The following CADPS variants were observed in gnomAD, a reference collection of about 807,000 sequenced individuals.
CADPS encodes calcium-dependent secretion activator 1.
CADPS carries 57 observed loss-of-function variants against 167.3 expected under a neutral mutation model. That is an observed-to-expected ratio of 0.34 (90% confidence interval 0.28 to 0.42). The LOEUF is 0.42. CADPS is among the 20% of genes least tolerant of loss of function. The probability of loss-of-function intolerance (pLI) is 1.00; values close to 1 mark genes in which losing one functional copy is unlikely to be tolerated. For synonymous variants in CADPS, 676 were observed against 635.3 expected (o/e 1.06, Z -0.96); for missense variants, 1,414 against 1,738.1 (o/e 0.81, Z 3.32).
intron 1 of CADPS, among the ~76,000 whole-genome samples, chr3:62,870,692 T>C (rs1388123262): frequency 7.2e-5 from 11 of 152,196 alleles, no homozygotes; most frequent in African/African-American, 2.2e-4. Flanking sequence ...CCTATGTATG[T>C]AGACACAATG....
intron 4 of CADPS, among the ~76,000 whole-genome samples, chr3:62,658,234 T>C (rs574652017): frequency 2.0e-4 from 30 of 152,314 alleles, no homozygotes; most frequent in Admixed American, 1.7e-3. Flanking sequence ...GGAGAATTAA[T>C]GTAACGCCAA....
At chr3:62,580,431 T>A (rs2083191585) in intron 8 of CADPS, among the ~76,000 whole-genome samples, 1 of 151,866 alleles carries the variant, frequency 6.6e-6, no homozygotes, top group Non-Finnish European at 1.5e-5. Flanking sequence ...CTCTGGGGAC[T>A]GTTGTGGGGT....
chr3:62,819,443 T>C (rs934869732), intron 1 of CADPS, among the ~76,000 whole-genome samples: 1 of 148,918 alleles, frequency 6.7e-6, no homozygotes, highest in Non-Finnish European at 1.5e-5. Context: ...TGTGTGTGTG[T>C]GTATTACAGT....
chr3:62,736,218 C>T (rs1445395621), intron 3 of CADPS, among the ~76,000 whole-genome samples: 1 of 152,144 alleles, frequency 6.6e-6, no homozygotes, highest in Non-Finnish European at 1.5e-5. Flanking sequence ...TGTTGTAGAG[C>T]TGTGAAGACC....
intron 8 of CADPS, among the ~76,000 whole-genome samples, chr3:62,582,261 C>A (rs2083575390): frequency 6.6e-6 from 1 of 152,158 alleles, no homozygotes; most frequent in East Asian, 1.9e-4. Context: ...GCCTGGCCAA[C>A]CTGGCAAAAC....
chr3:62,541,077 C>T (rs1577437540), intron 11 of CADPS, among the ~76,000 whole-genome samples: 1 of 152,158 alleles, frequency 6.6e-6, no homozygotes, highest in South Asian at 2.1e-4. Flanking sequence ...CTGCTTAAAA[C>T]CCCAGTGATG....
intron 1 of CADPS, chr3:62,779,456 G>T: frequency 3.8e-6 from 2 of 528,130 alleles, no homozygotes; most frequent in South Asian, 2.9e-5. Context: ...TTGCCTTCAT[G>T]ACTTTAAAAT....
chr3:62,479,628 G>A (rs1195931901), intron 22 of CADPS, among the ~76,000 whole-genome samples: 1 of 152,254 alleles, frequency 6.6e-6, no homozygotes, highest in Non-Finnish European at 1.5e-5. Flanking sequence ...GACCAACAGG[G>A]TAATGTTTTC....
intron 21 of CADPS, among the ~76,000 whole-genome samples, chr3:62,486,737 T>C (rs1335246173): frequency 2.6e-5 from 4 of 152,200 alleles, no homozygotes; most frequent in African/African-American, 9.7e-5. Flanking sequence ...AAATGCTTTA[T>C]TGAAGTGGTA....
intron 28 of CADPS, among the ~76,000 whole-genome samples, chr3:62,407,135 A>ACATCAT (rs79885636): frequency 0.16 from 24,311 of 151,174 alleles, 2,420 homozygotes; most frequent in Admixed American, 0.24. Flanking sequence ...ACTGCAATCA[A>ACATCAT]CATCATCATC....
At chr3:62,720,863 A>G (rs2971931) in intron 3 of CADPS, among the ~76,000 whole-genome samples, 42,928 of 146,938 alleles carry the variant, frequency 0.29, 6,531 homozygotes, top group African/African-American at 0.37. Flanking sequence ...TGTCACCCAG[A>G]CTGGAGTGCC....
At chr3:62,666,550 T>C (rs957382300) in intron 3 of CADPS, among the ~76,000 whole-genome samples, 2 of 152,148 alleles carry the variant, frequency 1.3e-5, no homozygotes, top group East Asian at 3.9e-4. Flanking sequence ...GGTTCAAAAA[T>C]GTACATGCGC....
intron 6 of CADPS, among the ~76,000 whole-genome samples, chr3:62,640,227 AC>A (rs1448022816): frequency 6.6e-6 from 1 of 152,164 alleles, no homozygotes; most frequent in Admixed American, 6.5e-5. Context: ...CTTGATGTAA[AC>A]CATTCCAAGG....
At chr3:62,704,674 T>G (rs189259353) in intron 3 of CADPS, among the ~76,000 whole-genome samples, 2 of 152,268 alleles carry the variant, frequency 1.3e-5, no homozygotes, top group East Asian at 3.9e-4. Context: ...TTTGGGATGG[T>G]TTATTCCTCT....
intron 22 of CADPS, among the ~76,000 whole-genome samples, chr3:62,480,136 AC>A (rs2061812590): frequency 6.6e-6 from 1 of 152,046 alleles, no homozygotes; most frequent in South Asian, 2.1e-4. Flanking sequence ...TTTAAGATAA[AC>A]TGTTAATGTT....
intron 3 of CADPS, among the ~76,000 whole-genome samples, chr3:62,699,106 C>T (rs1324297065): frequency 6.6e-6 from 1 of 151,928 alleles, no homozygotes; most frequent in African/African-American, 2.4e-5. Flanking sequence ...AGTCTTTTAT[C>T]CCTCACCCCT....
chr3:62,668,291 G>A (rs1213744187), intron 3 of CADPS, among the ~76,000 whole-genome samples: 2 of 152,236 alleles, frequency 1.3e-5, no homozygotes, highest in East Asian at 3.8e-4. Flanking sequence ...TAGTGATCCA[G>A]ACTGGCTGGA....
chr3:62,848,711 T>C (rs1354774688), intron 1 of CADPS, among the ~76,000 whole-genome samples: 8 of 91,862 alleles, frequency 8.7e-5, no homozygotes, highest in Admixed American at 7.9e-4. Flanking sequence ...AGTCAGGTAG[T>C]GTGATGCCTC....
intron 1 of CADPS, among the ~76,000 whole-genome samples, chr3:62,767,555 A>G: frequency 6.6e-6 from 1 of 152,334 alleles, no homozygotes; most frequent in Admixed American, 6.5e-5. Flanking sequence ...AGGAGACACA[A>G]AGCCAGCATG....
Sources: gnomAD v4.1 joint callset for allele counts (sites outside exome capture counted in the v4.1 genomes callset) on GRCh38, gnomAD v4.1.1 for gene constraint, MANE v1.5 for transcripts, NCBI Gene and HGNC (gene_info 2026-07-23, HGNC 2026-07-21) for gene names.